Variants in XIAP observed in about 807,000 individuals in gnomAD.
XIAP encodes the protein X-linked inhibitor of apoptosis.
Under a neutral mutation model 33.1 loss-of-function variants are expected in XIAP, and 3 were observed. That is an observed-to-expected ratio of 0.09 (90% confidence interval 0.04 to 0.23). The LOEUF is 0.23. XIAP is among the 10% of genes least tolerant of loss of function. The pLI is 1.00. For synonymous variants in XIAP, 98 were observed against 121.3 expected (o/e 0.81, Z 1.26); for missense variants, 264 against 363.0 (o/e 0.73, Z 2.22).
intron 1 of XIAP, among the ~76,000 whole-genome samples, chrX:123,865,656 G>A (rs557446630): frequency 9.0e-6 from 1 of 110,854 alleles, no homozygotes; most frequent in African/African-American, 3.3e-5. Context: ...CCCGGGAGGC[G>A]GACCTTGCAG....
In XIAP at chrX:123,881,591, G is replaced by A. The variant is rs1189201282; in HGVS notation, c.-32-4040G>A. On this transcript the variant is annotated intron_variant, in intron 1 of 6. Transcript: ENST00000371199. The stretch of plus-strand genomic sequence containing the variant: ...CAAAACAGTGAAATCTGAACTATTA[G>A]CATGGAAACAACCTCTGGGAAGATA... Among the ~76,000 whole-genome samples the A allele has an allele frequency of 7.2e-5, 8 of 111,211 alleles. No homozygotes were observed. In the East Asian group the frequency reaches 2.0e-3, roughly 27 times the overall value.
chrX:123,863,670 G>C (rs148003923), intron 1 of XIAP, among the ~76,000 whole-genome samples: 2 of 110,307 alleles, frequency 1.8e-5, no homozygotes, highest in Non-Finnish European at 3.8e-5. Context: ...CACCACGCCC[G>C]GCTAATTTTG....
intron 1 of XIAP, among the ~76,000 whole-genome samples, chrX:123,882,280 GCCCAT>G (rs1034982716): frequency 9.0e-6 from 1 of 111,307 alleles, no homozygotes; most frequent in African/African-American, 3.3e-5. Context: ...TTGTTATAAA[GCCCAT>G]CCTTGGGTTA....
chrX:123,870,471 CA>C (rs1483746691), intron 1 of XIAP, among the ~76,000 whole-genome samples: 1 of 111,893 alleles, frequency 8.9e-6, no homozygotes, highest in Non-Finnish European at 1.9e-5. Flanking sequence ...AAAACCTAGA[CA>C]GAAGAGAAAC....
rs757216939 is a variant in XIAP at position 123,875,264 on chromosome X, G to A, written c.-32-10367G>A. Among the ~76,000 whole-genome samples, 23 of 109,248 alleles carry A rather than the reference G, an allele frequency of 2.1e-4. No homozygotes were observed. In the East Asian group the frequency reaches 5.5e-3, roughly 26 times the overall value. The allele number at this position is 109,248 out of a possible 115,157, so 94.9% of individuals were successfully genotyped here. A position where few individuals can be genotyped will look rare whatever the true frequency, so the allele number is the denominator to read the frequency against. The stretch of plus-strand genomic sequence containing the variant: ...TTGAACTCCTGACCTCAGGTGATCC[G>A]CCTGCCTTGGCCTCCTAGAATACTG... On this transcript the variant is annotated intron_variant, in intron 1 of 6. Coordinates refer to ENST00000371199, the MANE Select transcript of XIAP (RefSeq NM_001167.4).
At chrX:123,861,035 C>T (rs1252280277) in intron 1 of XIAP, among the ~76,000 whole-genome samples, 2 of 111,705 alleles carry the variant, frequency 1.8e-5, no homozygotes, top group Non-Finnish European at 3.8e-5. Flanking sequence ...CTGGAGGTTG[C>T]AGTAGTGTTT....
chrX:123,907,588 CAT>C lies in XIAP; in HGVS notation c.*409_*410del, dbSNP rs779710548. 19 of 378,279 alleles carry C rather than the reference CAT, an allele frequency of 5.0e-5. No individual in the cohort carries two copies. Among genetic ancestry groups the C allele is most frequent in the South Asian group, 4.8e-4 (18 of 37,398 alleles). 31.2% of individuals were successfully genotyped at this position (378,279 alleles called of 1,213,427 possible). On this transcript the variant is annotated 3_prime_UTR_variant, in exon 7 of 7. Coordinates refer to ENST00000371199, the MANE Select transcript of XIAP (RefSeq NM_001167.4). ...AGATTAGAGTTAATCTCCCCAATCA[CAT>C]AATTTGTTTTGTGTGAAAAAGGAAT...
chrX:123,875,077 C>T (rs1261480994), intron 1 of XIAP, among the ~76,000 whole-genome samples: 3 of 99,651 alleles, frequency 3.0e-5, no homozygotes, highest in Admixed American at 2.3e-4. Flanking sequence ...GGCTGGAGTA[C>T]GATGGCACAA....
Position 123,908,969 on chromosome X carries a change from T to G in XIAP, c.*1788T>G. On this transcript the variant is annotated 3_prime_UTR_variant, in exon 7 of 7. Transcript: ENST00000371199. Reference sequence around the variant, plus strand: ...GAGAAAGAGTATTGTTATGTTCTCCTAACTTCTGTTGATTACTACTTTAAG... The same window carrying G: ...GAGAAAGAGTATTGTTATGTTCTCCGAACTTCTGTTGATTACTACTTTAAG... 1 of 336,144 alleles carries G rather than the reference T, an allele frequency of 3.0e-6. No homozygotes were observed. The highest frequency in any genetic ancestry group is 2.8e-5 in the South Asian group (1 of 35,156). 27.7% of individuals were successfully genotyped at this position (336,144 alleles called of 1,213,427 possible). A position where few individuals can be genotyped will look rare whatever the true frequency, so the allele number is the denominator to read the frequency against.
chrX:123,894,952 A>ATAAGTAAG (rs576098439), intron 5 of XIAP, among the ~76,000 whole-genome samples: 20,294 of 65,824 alleles, frequency 0.31, 1,602 homozygotes, highest in African/African-American at 0.41. Flanking sequence ...TCAAACATAA[A>ATAAGTAAG]TAAGTAAATA....
intron 5 of XIAP, among the ~76,000 whole-genome samples, chrX:123,899,187 T>TTATATATATATGATTGTG (rs1301435162): frequency 2.6e-5 from 1 of 38,045 alleles, no homozygotes; most frequent in Non-Finnish European, 4.7e-5. Flanking sequence ...ATATATGATT[T>TTATATATATATGATTGTG]TATATATATA....
intron 5 of XIAP, among the ~76,000 whole-genome samples, chrX:123,894,287 T>G (rs2053437874): frequency 8.9e-6 from 1 of 112,536 alleles, no homozygotes; most frequent in African/African-American, 3.2e-5. Flanking sequence ...TTAAGTGACT[T>G]GCGCACAATC....
At chrX:123,885,116 T>G (rs1253424040) in intron 1 of XIAP, among the ~76,000 whole-genome samples, 1 of 111,478 alleles carries the variant, frequency 9.0e-6, no homozygotes, top group East Asian at 2.8e-4. Context: ...AAGAACACAT[T>G]GGAACCAATA....
rs974341485 is a variant in XIAP, at chrX:123,913,942, G to A, written c.*6761G>A. The A allele has an allele frequency of 1.3e-5, 4 of 304,261 alleles. No homozygotes were observed. Among genetic ancestry groups the A allele is most frequent in the East Asian group, 1.0e-4 (1 of 9,840 alleles). 25.1% of individuals were successfully genotyped at this position (304,261 alleles called of 1,213,427 possible). On this transcript the variant is annotated 3_prime_UTR_variant, in exon 7 of 7. Transcript: ENST00000371199. ...AAGCTTATTTTTCTGTGAATAAAAC[G>A]TATTCAATAAAATACTATTCTTTAA...
chrX:123,872,334 C>CTT (rs1255333741), intron 1 of XIAP, among the ~76,000 whole-genome samples: 1 of 99,639 alleles, frequency 1.0e-5, no homozygotes, highest in African/African-American at 3.7e-5. Context: ...TTTTTTCGTC[C>CTT]TTTTTTTTTT....
intron 1 of XIAP, among the ~76,000 whole-genome samples, chrX:123,871,289 AG>A (rs1390909063): frequency 2.8e-5 from 3 of 105,741 alleles, no homozygotes; most frequent in African/African-American, 1.1e-4. Flanking sequence ...GAAAAAAAAA[AG>A]AATACTTCGT....
intron 6 of XIAP, among the ~76,000 whole-genome samples, chrX:123,905,239 T>G (rs2053548652): frequency 8.9e-6 from 1 of 111,766 alleles, no homozygotes; most frequent in South Asian, 3.7e-4. Flanking sequence ...TCGCCTAATC[T>G]TTCATGATCA....
In XIAP at chrX:123,911,147, T is replaced by C. The variant is rs1299490007; in HGVS notation, c.*3966T>C. ...AAAAAATTCTTACATGATAACTCAG[T>C]GATGCTTACTCATAGTTTTTGGTGT... On this transcript the variant is annotated 3_prime_UTR_variant, in exon 7 of 7. Coordinates refer to ENST00000371199, the MANE Select transcript of XIAP (RefSeq NM_001167.4). The C allele has an allele frequency of 3.1e-6, 1 of 326,982 alleles. No individual in the cohort carries two copies. The highest frequency in any genetic ancestry group is 5.9e-6 in the Non-Finnish European group (1 of 169,657). The allele number at this position is 326,982 out of a possible 1,213,427, so 26.9% of individuals were successfully genotyped here. A position where few individuals can be genotyped will look rare whatever the true frequency, so the allele number is the denominator to read the frequency against.
intron 5 of XIAP, among the ~76,000 whole-genome samples, chrX:123,899,223 GTATATATATATGATTTTGTA>G (rs2053494274): frequency 5.9e-5 from 3 of 50,827 alleles, no homozygotes; most frequent in African/African-American, 1.6e-4. Context: ...ATATGATTTT[GTATATATATATGATTTTGTA>G]TATATATATG....
Sources: allele counts gnomAD v4.1 joint callset (sites outside exome capture counted in the v4.1 genomes callset), GRCh38; gene constraint gnomAD v4.1.1; transcripts MANE v1.5; gene names NCBI Gene and HGNC (gene_info 2026-07-23, HGNC 2026-07-21).